SEMA3E: variants seen among roughly 807,000 people sequenced by gnomAD.
SEMA3E encodes semaphorin-3E.
In SEMA3E, 49 loss-of-function variants were observed where a neutral mutation model predicts 93.6. That is an observed-to-expected ratio of 0.52 (90% CI 0.42 to 0.66). SEMA3E has a LOEUF of 0.66. Among genes scored for constraint, SEMA3E ranks in the 30% least tolerant of loss-of-function variants. The pLI is 0.00. For missense variants in SEMA3E, 906 were observed against 964.8 expected (o/e 0.94, Z 0.81); for synonymous variants, 363 against 330.7 (o/e 1.10, Z -1.06).
intron 1 of SEMA3E, among the ~76,000 whole-genome samples, chr7:83,639,106 G>A (rs1472675119): frequency 6.5e-5 from 2 of 30,686 alleles, no homozygotes; most frequent in Admixed American, 4.8e-4. Context: ...GCGAGACTCC[G>A]TCTCAAAAAA....
intron 16 of SEMA3E, among the ~76,000 whole-genome samples, chr7:83,384,240 T>A (rs1787836277): frequency 6.6e-6 from 1 of 152,054 alleles, no homozygotes; most frequent in African/African-American, 2.4e-5. Context: ...AATAAAAAGT[T>A]CAAAGTGTTC....
At chr7:83,601,037 G>T (rs984989194) in intron 1 of SEMA3E, among the ~76,000 whole-genome samples, 8 of 152,194 alleles carry the variant, frequency 5.3e-5, no homozygotes, top group African/African-American at 1.2e-4. Context: ...TAAGAGAGGA[G>T]CAGGAGAATG....
intron 1 of SEMA3E, among the ~76,000 whole-genome samples, chr7:83,603,007 G>A (rs565552571): frequency 2.0e-5 from 3 of 152,222 alleles, no homozygotes; most frequent in East Asian, 1.9e-4. Context: ...AAATTGAATT[G>A]AGATTAAAAC....
intron 1 of SEMA3E, among the ~76,000 whole-genome samples, chr7:83,646,891 T>C (rs1018682600): frequency 6.6e-6 from 1 of 152,040 alleles, no homozygotes; most frequent in African/African-American, 2.4e-5. Context: ...ATACTAGATA[T>C]AACAGAATTG....
intron 16 of SEMA3E, among the ~76,000 whole-genome samples, 161 bp downstream of exon 16, chr7:83,385,133 T>C (rs1317114830): frequency 6.6e-6 from 1 of 151,380 alleles, no homozygotes; most frequent in African/African-American, 2.4e-5. Flanking sequence ...TAAATTATTG[T>C]GTGTATATAA....
At chr7:83,542,903 C>G (rs1242375797) in intron 1 of SEMA3E, among the ~76,000 whole-genome samples, 1 of 152,052 alleles carries the variant, frequency 6.6e-6, no homozygotes, top group Non-Finnish European at 1.5e-5. Flanking sequence ...TAAATTCATA[C>G]TGTAATCAGG....
At chr7:83,405,118 A>C (rs2115638812) in intron 9 of SEMA3E, among the ~76,000 whole-genome samples, 1 of 152,130 alleles carries the variant, frequency 6.6e-6, no homozygotes, top group South Asian at 2.1e-4. Flanking sequence ...ACAACATATA[A>C]TAACACATTG....
Position 83,408,461 on chromosome 7 carries a change from T to C in SEMA3E, c.577A>G (p.Ser193Gly), listed in dbSNP as rs1477854688. The C allele has an allele frequency of 6.2e-7, 1 of 1,613,786 alleles. No homozygotes were observed. Among genetic ancestry groups the C allele is most frequent in the Non-Finnish European group, 8.5e-7 (1 of 1,179,846 alleles). ...IGSELFAGLY[S>G]DYWSRDAAIF... ...GCAGCGTCTCTGCTCCAGTAGTCAC[T>C]GTAGAGTCCAGCAAACAATTCACTA... Residue 193 changes from serine (S) to glycine (G), a missense_variant, in exon 6 of 17, where the codon AGT (serine) becomes GGT (glycine). Physicochemically the swap from Ser to Gly is moderately conservative, Grantham distance 56 (BLOSUM62 0). Transcript: ENST00000643230.
intron 2 of SEMA3E, among the ~76,000 whole-genome samples, chr7:83,486,606 T>C (rs1366196868): frequency 6.6e-6 from 1 of 152,146 alleles, no homozygotes; most frequent in Admixed American, 6.5e-5. Flanking sequence ...CCTACTCCGC[T>C]GCTACTAAAA....
At position 83,507,492 on chromosome 7, in the gene SEMA3E, G is replaced by A. The variant is rs116172519; in HGVS notation, c.116-17218C>T. Among the ~76,000 whole-genome samples the A allele has an allele frequency of 2.5e-3, 386 of 151,636 alleles. 1 individual carries two copies. The highest frequency in any genetic ancestry group is 8.6e-3 in the African/African-American group (354 of 41,298). Reference sequence around the variant, plus strand: ...TGTGTGTGAAAGGGAGAGACAGACAGAGATGGAGACAGAGAGACACAAAGA... The same window carrying A: ...TGTGTGTGAAAGGGAGAGACAGACAAAGATGGAGACAGAGAGACACAAAGA... On this transcript the variant is annotated intron_variant, in intron 1 of 16. Coordinates refer to ENST00000643230, the MANE Select transcript of SEMA3E (RefSeq NM_012431.3).
intron 1 of SEMA3E, among the ~76,000 whole-genome samples, chr7:83,574,885 G>T (rs1792367548): frequency 6.6e-6 from 1 of 152,152 alleles, no homozygotes; most frequent in Non-Finnish European, 1.5e-5. Flanking sequence ...AGTACTGCCT[G>T]TTCAACCACA....
chr7:83,422,469 C>G (rs181905869), intron 4 of SEMA3E, among the ~76,000 whole-genome samples: 10 of 152,270 alleles, frequency 6.6e-5, no homozygotes, highest in Non-Finnish European at 1.0e-4. Context: ...ATTTGCAAAA[C>G]AGACCCACAT....
chr7:83,426,298 C>A (rs1192562846), intron 4 of SEMA3E, among the ~76,000 whole-genome samples: 1 of 152,154 alleles, frequency 6.6e-6, no homozygotes, highest in Non-Finnish European at 1.5e-5. Flanking sequence ...CAGCATTATT[C>A]ACCATAGCAA....
intron 4 of SEMA3E, among the ~76,000 whole-genome samples, chr7:83,434,167 C>A (rs1001847573): frequency 1.3e-5 from 2 of 151,946 alleles, no homozygotes; most frequent in Non-Finnish European, 2.9e-5. Flanking sequence ...AGAAACTTTC[C>A]GTCAAATGAA....
intron 7 of SEMA3E, 89 bp from the exon 8 acceptor site, chr7:83,406,148 G>A (rs979080101): frequency 2.1e-6 from 2 of 942,052 alleles, no homozygotes; most frequent in Admixed American, 1.8e-5. Context: ...GTTGCCAAGA[G>A]TTATGACTTT....
At chr7:83,380,174 A>G (rs1787748868) in intron 16 of SEMA3E, among the ~76,000 whole-genome samples, 1 of 151,362 alleles carries the variant, frequency 6.6e-6, no homozygotes, top group Admixed American at 6.7e-5. Flanking sequence ...AAACATGTGA[A>G]TATTTTGTGA....
intron 1 of SEMA3E, among the ~76,000 whole-genome samples, chr7:83,593,278 CTCTCTCTGTG>C (rs1287380416): frequency 1.7e-4 from 18 of 108,030 alleles, no homozygotes; most frequent in African/African-American, 6.9e-4. Context: ...CTCTCTCTCT[CTCTCTCTGTG>C]TGTGTGTGTG....
At chr7:83,617,621 A>G (rs1223527846) in intron 1 of SEMA3E, among the ~76,000 whole-genome samples, 1 of 146,962 alleles carries the variant, frequency 6.8e-6, no homozygotes, top group African/African-American at 2.5e-5. Flanking sequence ...ATATAATTTT[A>G]TATAAATTTT....
At chr7:83,482,120 A>G (rs1049599831) in intron 2 of SEMA3E, among the ~76,000 whole-genome samples, 1 of 152,156 alleles carries the variant, frequency 6.6e-6, no homozygotes, top group African/African-American at 2.4e-5. Context: ...CCACACTGTG[A>G]AACAGGATTC....
Sources: gnomAD v4.1 joint callset for allele counts (sites outside exome capture counted in the v4.1 genomes callset) on GRCh38, gnomAD v4.1.1 for gene constraint, MANE v1.5 for transcripts, NCBI Gene and HGNC (gene_info 2026-07-23, HGNC 2026-07-21) for gene names.